CCDC141: variants seen among roughly 807,000 people sequenced by gnomAD.
CCDC141 encodes coiled-coil domain-containing protein 141.
CCDC141 carries 168 observed loss-of-function variants against 181.0 expected under a neutral mutation model. The ratio of observed to expected loss-of-function variants is 0.93; its 90% CI spans 0.82 to 1.05. The LOEUF is 1.05. CCDC141 is among the 50% of genes least tolerant of loss of function. The pLI is 0.00. For missense variants in CCDC141, 1,902 were observed against 1,788.5 expected (o/e 1.06, Z -1.14); for synonymous variants, 666 against 642.3 (o/e 1.04, Z -0.56).
intron 2 of CCDC141, among the ~76,000 whole-genome samples, chr2:179,035,444 C>T (rs1248054762): frequency 1.3e-5 from 2 of 152,098 alleles, no homozygotes; most frequent in Non-Finnish European, 2.9e-5. Context: ...GGCTGTGTAA[C>T]ACACCACCCC....
chr2:178,885,236 C>T (rs1686824242), intron 10 of CCDC141, 144 bp from the exon 11 acceptor site: 1 of 433,268 alleles, frequency 2.3e-6, no homozygotes, highest in Non-Finnish European at 3.8e-6. Flanking sequence ...ACACAACTTC[C>T]AAAATTCTAA....
chr2:178,855,646 C>T, intron 18 of CCDC141, 105 bp from the exon 19 acceptor site: 2 of 619,682 alleles, frequency 3.2e-6, no homozygotes, highest in Non-Finnish European at 5.4e-6. Flanking sequence ...CAGCTTCCTC[C>T]AATCTATTAA....
intron 12 of CCDC141, among the ~76,000 whole-genome samples, chr2:178,872,656 A>C (rs945508901): frequency 6.6e-6 from 1 of 152,210 alleles, no homozygotes; most frequent in Non-Finnish European, 1.5e-5. Flanking sequence ...ACGCATTTTA[A>C]GTATACTCCA....
intron 6 of CCDC141, among the ~76,000 whole-genome samples, chr2:178,927,572 A>G (rs1189028139): frequency 6.6e-6 from 1 of 152,120 alleles, no homozygotes; most frequent in African/African-American, 2.4e-5. Context: ...ACGATTCTGG[A>G]TCATAGAGCA....
chr2:178,895,837 G>A (rs1216468020), intron 8 of CCDC141, among the ~76,000 whole-genome samples: 2 of 152,190 alleles, frequency 1.3e-5, no homozygotes, highest in African/African-American at 4.8e-5. Flanking sequence ...TGCAGGCATA[G>A]ACAAATCTAC....
chr2:178,836,884 G>T lies in CCDC141; in HGVS notation c.4325+10C>A, dbSNP rs754956024. The T allele has an allele frequency of 6.3e-7, 1 of 1,590,540 alleles. No homozygotes were observed. The highest frequency in any genetic ancestry group is 1.4e-5 in the African/African-American group (1 of 73,332). On this transcript the variant is annotated intron_variant, in intron 23 of 23. Transcript: ENST00000443758. ...TTTCCATTTATGGCTTGTCATTATA[G>T]GCTACCCACCATGTCAGTGTAGGCT...
intron 22 of CCDC141, among the ~76,000 whole-genome samples, chr2:178,838,803 C>T (rs1197423955): frequency 2.0e-5 from 3 of 152,174 alleles, no homozygotes; most frequent in East Asian, 3.9e-4. Flanking sequence ...TGGTGAGTAG[C>T]AGTACTTCTT....
chr2:178,912,280 G>A (rs945763042), intron 7 of CCDC141, among the ~76,000 whole-genome samples: 5 of 152,136 alleles, frequency 3.3e-5, no homozygotes, highest in African/African-American at 1.2e-4. Flanking sequence ...ACTGCACATA[G>A]AAGAGAAACC....
the CCDC141 span, among the ~76,000 whole-genome samples, chr2:178,823,137 T>A: frequency 6.6e-6 from 1 of 151,960 alleles, no homozygotes; most frequent in Non-Finnish European, 1.5e-5. Context: ...GGATGTTTAA[T>A]TGGTGTACGT....
In CCDC141 at chr2:178,856,312, A is replaced by C. The variant is rs890084224; in HGVS notation, c.2810T>G (p.Leu937Arg). 4.3e-6 allele frequency: 7 copies of C among 1,610,566 alleles called. No homozygotes were observed. Among genetic ancestry groups the C allele is most frequent in the Non-Finnish European group, 5.9e-6 (7 of 1,178,672 alleles). ...CTGAATTTGATATTTAAGCGCCTTC[A>C]GATTCCGAGATTTTTCATTTTTCTT... ...YTKKNEKSRN[L>R]KALKYQIQQV... Residue 937 changes from leucine (L) to arginine (R), a missense_variant, in exon 18 of 24, where the codon CTG becomes CGG. Physicochemically the swap from Leu to Arg is moderately radical, Grantham distance 102. Coordinates refer to ENST00000443758, the MANE Select transcript of CCDC141 (RefSeq NM_173648.4).
At chr2:178,874,139 CAAT>C (rs1686249630) in intron 12 of CCDC141, 1 of 152,264 alleles carries the variant, frequency 6.6e-6, no homozygotes, top group East Asian at 1.9e-4. Context: ...CATGATTCAA[CAAT>C]AATGTTTGTT....
intron 7 of CCDC141, among the ~76,000 whole-genome samples, chr2:178,913,983 T>A (rs1688332193): frequency 6.6e-6 from 1 of 152,234 alleles, no homozygotes; most frequent in Non-Finnish European, 1.5e-5. Flanking sequence ...TGAAACATAT[T>A]GTATATTTAT....
chr2:178,818,006 T>C, the CCDC141 span, among the ~76,000 whole-genome samples: 1 of 152,192 alleles, frequency 6.6e-6, no homozygotes, highest in Non-Finnish European at 1.5e-5. Flanking sequence ...TTTCACTATG[T>C]TGGCCAGGCT....
Position 178,884,955 on chromosome 2 carries a change from G to A in CCDC141, c.1665C>T (p.Asp555=). The A allele has an allele frequency of 1.3e-6, 2 of 1,550,410 alleles. No homozygotes were observed. The highest frequency in any genetic ancestry group is 1.7e-6 in the Non-Finnish European group (2 of 1,146,848). ...AAGTTTGCAGGACTTGCGATCTATA[G>A]TCAATGCTTTGGCCAAATAGGTTTA... ...EELNLFGQSI[D]YRSQVLQTYV... The change falls in exon 11 of 24, where the codon GAC becomes GAT. Residue 555 remains aspartate, a synonymous_variant. Transcript: ENST00000443758.
At chr2:178,818,597 AG>A in the CCDC141 span, among the ~76,000 whole-genome samples, 1 of 152,206 alleles carries the variant, frequency 6.6e-6, no homozygotes, top group South Asian at 2.1e-4. Context: ...GTCCCTGCAA[AG>A]GACATGATCT....
chr2:178,818,686 T>C, the CCDC141 span, among the ~76,000 whole-genome samples: 4 of 152,128 alleles, frequency 2.6e-5, no homozygotes, highest in African/African-American at 9.7e-5. Flanking sequence ...CATTGATGGG[T>C]GTTTGGGTTG....
intron 2 of CCDC141, among the ~76,000 whole-genome samples, chr2:178,985,124 C>T (rs1399523361): frequency 6.6e-6 from 1 of 151,260 alleles, no homozygotes; most frequent in East Asian, 1.9e-4. Context: ...ATCTCTCAGA[C>T]CACAGTGCAA....
chr2:178,857,242 G>A (rs1685428111), intron 17 of CCDC141, among the ~76,000 whole-genome samples: 1 of 152,190 alleles, frequency 6.6e-6, no homozygotes, highest in Admixed American at 6.5e-5. Flanking sequence ...TGTTGAAGAG[G>A]TCAAAGAAGC....
Position 178,907,468 on chromosome 2 carries a change from C to T in CCDC141, c.1093-1967G>A, listed in dbSNP as rs551934362. On this transcript the variant is annotated intron_variant, in intron 7 of 23. Coordinates refer to ENST00000443758, the MANE Select transcript of CCDC141 (RefSeq NM_173648.4). ...TGTCAGAGAAAGTTGTAATCTTGGG[C>T]GGAAAAGGAGGGATTTTAAAACTTA... Among the ~76,000 whole-genome samples, 10 of 152,194 alleles carry T rather than the reference C, an allele frequency of 6.6e-5. 1 individual carries two copies. The South Asian group carries it at 1.0e-3, about 16-fold the overall frequency.
Sources: gnomAD v4.1 joint callset for allele counts (sites outside exome capture counted in the v4.1 genomes callset) on GRCh38, gnomAD v4.1.1 for gene constraint, MANE v1.5 for transcripts, NCBI Gene and HGNC (gene_info 2026-07-23, HGNC 2026-07-21) for gene names.